Variants in MERTK observed in about 807,000 individuals in gnomAD.
MERTK encodes MER proto-oncogene, tyrosine kinase, also known as tyrosine-protein kinase Mer.
Under a neutral mutation model 99.3 loss-of-function variants are expected in MERTK, and 69 were observed. The ratio of observed to expected loss-of-function variants is 0.70; its 90% CI spans 0.57 to 0.85. The LOEUF is 0.85. Ranked by LOEUF, MERTK falls within the 40% of genes least tolerant of loss-of-function variation. MERTK has a pLI of 0.00. For missense variants in MERTK, 1,125 were observed against 1,249.4 expected, an observed-to-expected ratio of 0.90 and a Z score of 1.50; for synonymous variants, 426 against 467.6, an observed-to-expected ratio of 0.91 and a Z score of 1.15.
At chr2:111,899,501 C>T (rs534534107) in intron 1 of MERTK, among the ~76,000 whole-genome samples, 1 of 151,884 alleles carries the variant, frequency 6.6e-6, no homozygotes, top group South Asian at 2.1e-4. Context: ...CTGGATTCAG[C>T]GAAGTGTTGT....
At chr2:111,947,298 T>G in intron 3 of MERTK, 96 bp from the exon 4 acceptor site, 2 of 420,040 alleles carry the variant, frequency 4.8e-6, no homozygotes, top group East Asian at 5.6e-5. Flanking sequence ...AAAAAAGAAA[T>G]CTATTGCCAA....
At chr2:112,000,799 C>G (rs746501100) in intron 10 of MERTK, among the ~76,000 whole-genome samples, 5 of 152,310 alleles carry the variant, frequency 3.3e-5, no homozygotes, top group Non-Finnish European at 5.9e-5. Context: ...CCACCCCTTA[C>G]TAGCTACATA....
intron 4 of MERTK, among the ~76,000 whole-genome samples, chr2:111,960,049 A>G (rs1685214775): frequency 6.6e-6 from 1 of 152,174 alleles, no homozygotes; most frequent in African/African-American, 2.4e-5. Flanking sequence ...CAAACAATAT[A>G]TTATTATTAT....
intron 17 of MERTK, 137 bp downstream of exon 17, chr2:112,021,718 A>G (rs377352009): frequency 1.0e-5 from 7 of 676,460 alleles, no homozygotes; most frequent in African/African-American, 1.8e-5. Context: ...GATCTCTTTT[A>G]TATCTTACCA....
intron 1 of MERTK, among the ~76,000 whole-genome samples, chr2:111,905,976 T>C (rs1243870176): frequency 6.6e-6 from 1 of 152,224 alleles, no homozygotes; most frequent in Admixed American, 6.5e-5. Flanking sequence ...TAAGAACATT[T>C]ATATTTGTGC....
At chr2:112,010,205 A>C in intron 15 of MERTK, 139 bp downstream of exon 15, 1 of 739,794 alleles carries the variant, frequency 1.4e-6, no homozygotes, top group Non-Finnish European at 2.5e-6. Context: ...CTGTGTGTCC[A>C]GGGTTGAAAT....
At chr2:111,993,545 G>A (rs570022701) in intron 8 of MERTK, among the ~76,000 whole-genome samples, 11 of 152,244 alleles carry the variant, frequency 7.2e-5, no homozygotes, top group Non-Finnish European at 1.5e-4. Flanking sequence ...ATTTCCATTT[G>A]AAAAGCCAGC....
rs190283812 is a variant in MERTK, at chr2:111,995,797, G to A, written c.1450+1393G>A. On this transcript the variant is annotated intron_variant, in intron 9 of 18. Transcript: ENST00000295408. ...AAACCCCATCTCTATCTAAAATAAC[G>A]ACAACAACAAAAATTAGCAGGGTGT... Among the ~76,000 whole-genome samples, 9 of 151,996 alleles carry A rather than the reference G, an allele frequency of 5.9e-5. No individual in the cohort carries two copies. The East Asian group carries it at 7.7e-4, about 13-fold the overall frequency.
Position 111,898,765 on chromosome 2 carries a change from G to T in MERTK, c.30G>T (p.Leu10=). 6.2e-7 allele frequency: 1 copy of T among 1,604,326 alleles called. No homozygotes were observed. The highest frequency in any genetic ancestry group is 2.2e-5 in the East Asian group (1 of 44,528). The part of the protein sequence containing the change: MGPAPLPLL[L]GLFLPALWRR... ...GGCCGGCCCCGCTGCCGCTGCTGCT[G>T]GGCCTCTTCCTCCCCGCGCTCTGGC... is the stretch of plus-strand genomic sequence containing the variant. The change falls in exon 1 of 19, where the codon CTG becomes CTT. Residue 10 remains leucine, a synonymous_variant. Coordinates refer to ENST00000295408, the MANE Select transcript of MERTK (RefSeq NM_006343.3).
rs113806630 is a variant in MERTK at position 111,975,042 on chromosome 2, G to A, written c.961-247G>A. 2.4e-3 allele frequency among the ~76,000 whole-genome samples: 360 copies of A among 152,218 alleles called. 2 individuals are homozygous for A. Among genetic ancestry groups the A allele is most frequent in the African/African-American group, 8.0e-3 (334 of 41,516 alleles). On this transcript the variant is annotated intron_variant, in intron 6 of 18. Coordinates refer to ENST00000295408, the MANE Select transcript of MERTK (RefSeq NM_006343.3). ...TCTAATCATCATAATTATTTGCTCC[G>A]TTACCTGCCACAGTGAGAATTGTTA...
rs200088920 is a variant in MERTK, at chr2:111,954,163, T to C, written c.757+6596T>C. Among the ~76,000 whole-genome samples the C allele has an allele frequency of 1.2e-3, 181 of 152,326 alleles. 2 individuals are homozygous for C. The highest frequency in any genetic ancestry group is 6.0e-3 in the East Asian group (31 of 5,188). The stretch of plus-strand genomic sequence containing the variant: ...ATTTTACCCTGAAGTCTGAGACCCA[T>C]TGGGGCTTCAGCCTAACTTTCCCAC... On this transcript the variant is annotated intron_variant, in intron 4 of 18. Transcript: ENST00000295408.
At chr2:112,027,986 G>C (rs1254974348) in intron 18 of MERTK, among the ~76,000 whole-genome samples, 1 of 152,198 alleles carries the variant, frequency 6.6e-6, no homozygotes, top group Non-Finnish European at 1.5e-5. Context: ...AAACAAATAA[G>C]GATAGCTGTG....
chr2:111,962,382 C>T (rs2104719298), intron 4 of MERTK, among the ~76,000 whole-genome samples: 1 of 152,262 alleles, frequency 6.6e-6, no homozygotes, highest in East Asian at 1.9e-4. Flanking sequence ...TGGCAGGTGC[C>T]TGTAATCCCA....
chr2:111,998,523 C>T (rs1311034294), intron 10 of MERTK, among the ~76,000 whole-genome samples: 1 of 152,072 alleles, frequency 6.6e-6, no homozygotes, highest in Non-Finnish European at 1.5e-5. Context: ...CAAGCAGTCA[C>T]AAAATAGATT....
At chr2:111,993,742 A>G (rs1280475340) in intron 8 of MERTK, among the ~76,000 whole-genome samples, 2 of 152,054 alleles carry the variant, frequency 1.3e-5, no homozygotes, top group Non-Finnish European at 2.9e-5. Flanking sequence ...CAAGTTGTAC[A>G]TTTGTCACAC....
chr2:111,987,446 G>A (rs1676504642), intron 8 of MERTK, among the ~76,000 whole-genome samples: 1 of 152,162 alleles, frequency 6.6e-6, no homozygotes, highest in Non-Finnish European at 1.5e-5. Context: ...AATACAATGT[G>A]TTCTCTTTGA....
chr2:111,925,799 G>A (rs1442405556), intron 1 of MERTK, among the ~76,000 whole-genome samples: 2 of 151,304 alleles, frequency 1.3e-5, no homozygotes, highest in Non-Finnish European at 2.9e-5. Flanking sequence ...TTGCAGGGTT[G>A]GGCTTACAAA....
At chr2:111,993,484 G>T (rs1465447410) in intron 8 of MERTK, among the ~76,000 whole-genome samples, 1 of 152,094 alleles carries the variant, frequency 6.6e-6, no homozygotes, top group Non-Finnish European at 1.5e-5. Context: ...CCAAAATTCA[G>T]AGATAAAGAC....
At chr2:111,989,341 A>G (rs1183822774) in intron 8 of MERTK, among the ~76,000 whole-genome samples, 1 of 150,056 alleles carries the variant, frequency 6.7e-6, no homozygotes, top group Non-Finnish European at 1.5e-5. Flanking sequence ...TACAGTTACG[A>G]GTTATAGGGT....
Sources: allele counts gnomAD v4.1 joint callset (sites outside exome capture counted in the v4.1 genomes callset), GRCh38; gene constraint gnomAD v4.1.1; transcripts MANE v1.5; gene names NCBI Gene and HGNC (gene_info 2026-07-23, HGNC 2026-07-21).